The following PAXBP1 variants were observed in gnomAD, a reference collection of about 807,000 sequenced individuals.
PAXBP1 encodes the protein PAX3 and PAX7 binding protein 1, also known as PAX3- and PAX7-binding protein 1.
In PAXBP1, 44 loss-of-function variants were observed where a neutral mutation model predicts 119.9. The observed-to-expected ratio is 0.37, with a 90% CI of 0.29 to 0.47. The LOEUF is 0.47. PAXBP1 is among the 20% of genes least tolerant of loss of function. The pLI is 0.99. For missense variants in PAXBP1, 898 were observed against 1,134.1 expected (o/e 0.79, Z 2.99); for synonymous variants, 393 against 406.6 (o/e 0.97, Z 0.40).
At position 32,744,783 on chromosome 21, in the gene PAXBP1, C is replaced by T. The variant is rs1313514053; in HGVS notation, c.2190+9G>A. On this transcript the variant is annotated intron_variant, in intron 13 of 17. Transcript: ENST00000331923. The stretch of plus-strand genomic sequence containing the variant: ...AAAAAAAAAAAGGCTTCAAAAGATA[C>T]TAAATTACCTGTGTATTTTTATTTT... 4 of 1,544,232 alleles carry T rather than the reference C, an allele frequency of 2.6e-6. No individual in the cohort carries two copies. Among genetic ancestry groups the T allele is most frequent in the Non-Finnish European group, 3.5e-6 (4 of 1,146,892 alleles).
intron 17 of PAXBP1, among the ~76,000 whole-genome samples, chr21:32,735,774 G>A (rs2146461647): frequency 6.6e-6 from 1 of 152,280 alleles, no homozygotes; most frequent in South Asian, 2.1e-4. Context: ...CACACTTTAA[G>A]AATGACTGTT....
In PAXBP1 at chr21:32,771,746, C is replaced by G; in HGVS notation, c.-78G>C. 2.4e-6 allele frequency: 3 copies of G among 1,235,906 alleles called. No individual in the cohort carries two copies. The highest frequency in any genetic ancestry group is 3.1e-6 in the Non-Finnish European group (3 of 964,952). 76.6% of individuals were successfully genotyped at this position (1,235,906 alleles called of 1,614,324 possible). A position where few individuals can be genotyped will look rare whatever the true frequency, so the allele number is the denominator to read the frequency against. On this transcript the variant is annotated 5_prime_UTR_variant, in exon 1 of 18. Coordinates refer to ENST00000331923, the MANE Select transcript of PAXBP1 (RefSeq NM_016631.4). ...AGCGCCGAGCTCGTGACGGCGCACG[C>G]GCGCTCTCCGGAGCTCCAGCCGGGT... is the stretch of plus-strand genomic sequence containing the variant.
At chr21:32,755,514 G>A in intron 7 of PAXBP1, 161 bp from the exon 8 acceptor site, 1 of 803,906 alleles carries the variant, frequency 1.2e-6, no homozygotes, top group Non-Finnish European at 1.9e-6. Flanking sequence ...TTTTATGTTT[G>A]GGAAACGACA....
At chr21:32,764,567 T>A in intron 2 of PAXBP1, 43 bp from the exon 3 acceptor site, 1 of 1,438,588 alleles carries the variant, frequency 7.0e-7, no homozygotes, top group Non-Finnish European at 9.3e-7. Flanking sequence ...ATAAAATTCA[T>A]AAATTAAGAA....
intron 12 of PAXBP1, 152 bp downstream of exon 12, chr21:32,745,422 C>T: frequency 9.3e-7 from 1 of 1,080,376 alleles, no homozygotes; most frequent in Non-Finnish European, 1.3e-6. Context: ...GATAAGAACC[C>T]CTCTGCCCTC....
At chr21:32,748,456 T>C (rs2043908183) in intron 11 of PAXBP1, 43 bp downstream of exon 11, 2 of 1,547,236 alleles carry the variant, frequency 1.3e-6, no homozygotes, top group African/African-American at 2.8e-5. Context: ...ATTACCCAGA[T>C]ATCAAATTAT....
intron 15 of PAXBP1, among the ~76,000 whole-genome samples, chr21:32,740,011 G>A (rs1323144168): frequency 4.3e-5 from 6 of 140,484 alleles, no homozygotes; most frequent in Non-Finnish European, 6.1e-5. Context: ...GACACATATA[G>A]TTAACTGGTT....
chr21:32,745,559 GAAC>G lies in PAXBP1; in HGVS notation c.2068+12_2068+14del. ...AGTGTGTCTGAATGCTCAATTCAGA[GAAC>G]AGGAGATTTACCTGTTAGTTTAGGA... is the stretch of plus-strand genomic sequence containing the variant. On this transcript the variant is annotated intron_variant, in intron 12 of 17. Coordinates refer to ENST00000331923, the MANE Select transcript of PAXBP1 (RefSeq NM_016631.4). 6.2e-7 allele frequency: 1 copy of G among 1,613,520 alleles called. No homozygotes were observed. The highest frequency in any genetic ancestry group is 1.3e-5 in the African/African-American group (1 of 75,020).
At chr21:32,751,309 T>G in intron 8 of PAXBP1, 91 bp from the exon 9 acceptor site, 1 of 1,173,816 alleles carries the variant, frequency 8.5e-7, no homozygotes, top group Non-Finnish European at 1.2e-6. Context: ...GACAGACTGC[T>G]TGCTAATCTC....
intron 2 of PAXBP1, among the ~76,000 whole-genome samples, chr21:32,765,878 C>T (rs1047635320): frequency 4.9e-5 from 5 of 102,956 alleles, no homozygotes; most frequent in Admixed American, 8.7e-5. Context: ...TGGTGGCTCA[C>T]GCCTGTAATC....
At chr21:32,755,151 G>T in intron 8 of PAXBP1, 79 bp downstream of exon 8, 658 of 1,084,174 alleles carry the variant, frequency 6.1e-4, no homozygotes, top group Non-Finnish European at 7.7e-4. Context: ...AAAGCTCCAA[G>T]ATCTCTAATT....
chr21:32,761,254 A>G, intron 4 of PAXBP1, 92 bp from the exon 5 acceptor site: 1 of 895,206 alleles, frequency 1.1e-6, no homozygotes, highest in Non-Finnish European at 1.8e-6. Context: ...AACTGAGCAA[A>G]ACTATTAACT....
chr21:32,770,908 C>G (rs933729980), intron 1 of PAXBP1, among the ~76,000 whole-genome samples: 7 of 152,200 alleles, frequency 4.6e-5, no homozygotes, highest in Non-Finnish European at 7.3e-5. Context: ...ACTCGGCCTT[C>G]ATGGTCGAGG....
rs1161481118 is a variant in PAXBP1 at position 32,755,302 on chromosome 21, G to A, written c.1435C>T (p.Arg479Ter). 1 of 1,613,164 alleles carries A rather than the reference G, an allele frequency of 6.2e-7. No individual in the cohort carries two copies. Among genetic ancestry groups the A allele is most frequent in the Non-Finnish European group, 8.5e-7 (1 of 1,179,606 alleles). Residue 479 changes from arginine to a stop codon, truncating the protein, a stop_gained, in exon 8 of 18, where the codon CGA becomes TGA. Transcript: ENST00000331923. LOFTEE classifies it high-confidence loss of function. Reference protein sequence around the residue: ...ESAIHQLYKQRASRLVQRRQD... With the variant: ...ESAIHQLYKQ ...CGTCTTTGGACAAGGCGGGAAGCTC[G>A]CTGTTTGTACAGCTGATGTATTGCT... is the stretch of plus-strand genomic sequence containing the variant.
At chr21:32,758,994 G>A (rs1267166929) in intron 7 of PAXBP1, 86 bp downstream of exon 7, 4 of 1,327,078 alleles carry the variant, frequency 3.0e-6, no homozygotes, top group Non-Finnish European at 4.2e-6. Context: ...GGTACTTTCT[G>A]AGAATTATAG....
intron 17 of PAXBP1, among the ~76,000 whole-genome samples, chr21:32,735,826 T>G (rs2043685161): frequency 6.6e-6 from 1 of 152,322 alleles, no homozygotes; most frequent in African/African-American, 2.4e-5. Flanking sequence ...CAAGACATAA[T>G]ATGACATTAG....
intron 15 of PAXBP1, among the ~76,000 whole-genome samples, chr21:32,740,605 G>A (rs1310518504): frequency 6.6e-6 from 1 of 152,170 alleles, no homozygotes; most frequent in Non-Finnish European, 1.5e-5. Flanking sequence ...CCTGAAAAGA[G>A]TCACAGACCT....
At position 32,745,780 on chromosome 21, in the gene PAXBP1, T is replaced by C. The variant is rs1325054777; in HGVS notation, c.1924-62A>G. 1.9e-6 allele frequency: 3 copies of C among 1,586,116 alleles called. No homozygotes were observed. In the African/African-American group the frequency reaches 4.1e-5, roughly 21 times the overall value. ...TAGTGGCTATTTCTGCTTCCAGCTA[T>C]GATAAGAGAAACAAGAACTGGATTT... On this transcript the variant is annotated intron_variant, in intron 11 of 17. Transcript: ENST00000331923.
At chr21:32,763,948 T>C (rs577083125) in intron 3 of PAXBP1, among the ~76,000 whole-genome samples, 7 of 149,334 alleles carry the variant, frequency 4.7e-5, no homozygotes, top group Admixed American at 4.0e-4. Flanking sequence ...GATCGTGCCA[T>C]TGCACTCCAG....
Sources: allele counts gnomAD v4.1 joint callset (sites outside exome capture counted in the v4.1 genomes callset), GRCh38; gene constraint gnomAD v4.1.1; transcripts MANE v1.5; gene names NCBI Gene and HGNC (gene_info 2026-07-23, HGNC 2026-07-21).